DPP10: variants seen among roughly 807,000 people sequenced by gnomAD.
DPP10 encodes the protein inactive dipeptidyl peptidase 10.
In DPP10, 33 loss-of-function variants were observed where a neutral mutation model predicts 120.9. The observed-to-expected ratio is 0.27, with a 90% CI of 0.21 to 0.37. The LOEUF is 0.37. Ranked by LOEUF, DPP10 falls within the 10% of genes least tolerant of loss-of-function variation. The pLI is 1.00. For missense variants in DPP10, 816 were observed against 942.8 expected (o/e 0.87, Z 1.76); for synonymous variants, 337 against 326.1 (o/e 1.03, Z -0.36).
chr2:114,717,312 G>T (rs1248513276), intron 1 of DPP10, among the ~76,000 whole-genome samples: 1 of 152,154 alleles, frequency 6.6e-6, no homozygotes, highest in Non-Finnish European at 1.5e-5. Flanking sequence ...ATTGATCTAT[G>T]TGTCACAAAA....
intron 1 of DPP10, among the ~76,000 whole-genome samples, chr2:115,029,956 G>C (rs1474989997): frequency 6.6e-6 from 1 of 152,136 alleles, no homozygotes; most frequent in African/African-American, 2.4e-5. Context: ...GACTCAAAGG[G>C]ATCCTCTTCA....
chr2:115,698,178 T>C (rs2091700253), intron 7 of DPP10, among the ~76,000 whole-genome samples: 1 of 152,112 alleles, frequency 6.6e-6, no homozygotes, highest in South Asian at 2.1e-4. Context: ...TCTTCTCTGA[T>C]CACAATGGGA....
At chr2:115,221,754 GTTTT>G (rs56077672) in intron 1 of DPP10, among the ~76,000 whole-genome samples, 5 of 120,150 alleles carry the variant, frequency 4.2e-5, no homozygotes, top group Non-Finnish European at 6.7e-5. Context: ...GTTTGTTTCT[GTTTT>G]TTTTTTTTTT....
intron 1 of DPP10, among the ~76,000 whole-genome samples, chr2:115,020,854 A>G (rs1329480470): frequency 6.6e-6 from 1 of 152,082 alleles, no homozygotes; most frequent in African/African-American, 2.4e-5. Context: ...TTGGAAATCA[A>G]CTCCAGAAGA....
At chr2:115,105,038 C>T (rs919562965) in intron 1 of DPP10, among the ~76,000 whole-genome samples, 8 of 151,958 alleles carry the variant, frequency 5.3e-5, no homozygotes, top group East Asian at 1.9e-4. Flanking sequence ...ATAAAATCAA[C>T]GTTTGCTTGA....
chr2:114,522,166 A>AGTAGAGAC (rs1382457901), intron 1 of DPP10, among the ~76,000 whole-genome samples: 8 of 149,452 alleles, frequency 5.4e-5, no homozygotes, highest in African/African-American at 2.0e-4. Context: ...TTGTATTTTT[A>AGTAGAGAC]GTAGAGACGG....
chr2:114,990,215 A>G (rs950919376), intron 1 of DPP10, among the ~76,000 whole-genome samples: 12 of 152,174 alleles, frequency 7.9e-5, no homozygotes, highest in Non-Finnish European at 1.6e-4. Context: ...AAGCTAACAC[A>G]TGTATAAACA....
rs138876536 is a variant in DPP10, at chr2:114,552,551, T to A, written c.60+109713T>A. The stretch of plus-strand genomic sequence containing the variant: ...TATACATTCTTTTTTCTTTCTCTTT[T>A]TCTTTTTTTTTTAGACCAAGTCTTA... On this transcript the variant is annotated intron_variant, in intron 1 of 25. Transcript: ENST00000410059. 1.5e-3 allele frequency among the ~76,000 whole-genome samples: 231 copies of A among 152,282 alleles called. 2 individuals carry two copies. The highest frequency in any genetic ancestry group is 5.4e-3 in the African/African-American group (225 of 41,560).
At chr2:114,551,443 C>A (rs1687879002) in intron 1 of DPP10, among the ~76,000 whole-genome samples, 1 of 152,158 alleles carries the variant, frequency 6.6e-6, no homozygotes, top group South Asian at 2.1e-4. Flanking sequence ...CACGTGTTCT[C>A]CAAATAGTAA....
intron 5 of DPP10, among the ~76,000 whole-genome samples, chr2:115,603,560 G>GTTTTTTTTTT (rs10637786): frequency 1.6e-5 from 2 of 126,430 alleles, no homozygotes; most frequent in East Asian, 5.0e-4. Context: ...CGTTGTTGTT[G>GTTTTTTTTTT]TTTTTTTTTG....
chr2:115,208,231 C>T (rs998331725), intron 1 of DPP10, among the ~76,000 whole-genome samples: 19 of 146,782 alleles, frequency 1.3e-4, no homozygotes, highest in Admixed American at 2.1e-4. Flanking sequence ...ATGGAGTCTC[C>T]CTTTGTCGCC....
intron 1 of DPP10, among the ~76,000 whole-genome samples, chr2:114,669,450 G>A (rs566635440): frequency 6.6e-6 from 1 of 152,192 alleles, no homozygotes; most frequent in Non-Finnish European, 1.5e-5. Flanking sequence ...TACTGTGGAT[G>A]GGGAAGACTC....
Position 115,536,395 on chromosome 2 carries a change from C to A in DPP10, c.441+10423C>A, listed in dbSNP as rs370146775. Among the ~76,000 whole-genome samples the A allele has an allele frequency of 2.6e-4, 39 of 152,000 alleles. No individual in the cohort carries two copies. In the South Asian group the frequency reaches 7.9e-3, roughly 31 times the overall value. Reference sequence around the variant, plus strand: ...TGGTGATATCATAATTTATTCAACTCAATATCTTTAATATTTATAGATAGT... The same window carrying A: ...TGGTGATATCATAATTTATTCAACTAAATATCTTTAATATTTATAGATAGT... On this transcript the variant is annotated intron_variant, in intron 5 of 25. Coordinates refer to ENST00000410059, the MANE Select transcript of DPP10 (RefSeq NM_020868.6).
chr2:114,936,717 A>C (rs1338236193), intron 1 of DPP10, among the ~76,000 whole-genome samples: 1 of 152,060 alleles, frequency 6.6e-6, no homozygotes, highest in African/African-American at 2.4e-5. Context: ...TACAGTGTAG[A>C]GGTATTAACT....
At chr2:115,332,363 T>C (rs1225352000) in intron 2 of DPP10, among the ~76,000 whole-genome samples, 1 of 152,150 alleles carries the variant, frequency 6.6e-6, no homozygotes, top group African/African-American at 2.4e-5. Context: ...TGTTGATCTT[T>C]TCGAAAAACC....
In DPP10 at chr2:115,753,173, G is replaced by C; in HGVS notation, c.951-1G>C. Reference sequence around the variant, plus strand: ...ACATTTTAATTTTGTTTCCAAACTAGAGAATACTATATCACTATGGTTAAA... The same window carrying C: ...ACATTTTAATTTTGTTTCCAAACTACAGAATACTATATCACTATGGTTAAA... On this transcript the variant is annotated splice_acceptor_variant, in intron 10 of 25. Coordinates refer to ENST00000410059, the MANE Select transcript of DPP10 (RefSeq NM_020868.6). LOFTEE classifies it high-confidence loss of function. 1 of 1,607,894 alleles carries C rather than the reference G, an allele frequency of 6.2e-7. No homozygotes were observed. Among genetic ancestry groups the C allele is most frequent in the Non-Finnish European group, 8.5e-7 (1 of 1,176,362 alleles).
intron 25 of DPP10, among the ~76,000 whole-genome samples, chr2:115,841,835 T>C (rs186973334): frequency 6.6e-6 from 1 of 152,132 alleles, no homozygotes; most frequent in African/African-American, 2.4e-5. Context: ...AACTCAATGC[T>C]CTTTAAATAA....
intron 3 of DPP10, among the ~76,000 whole-genome samples, chr2:115,408,637 A>G (rs2068708443): frequency 6.6e-6 from 1 of 152,222 alleles, no homozygotes; most frequent in African/African-American, 2.4e-5. Flanking sequence ...TGATCCCAAT[A>G]CAATTCTATT....
intron 1 of DPP10, among the ~76,000 whole-genome samples, chr2:114,970,730 T>A (rs960633720): frequency 6.6e-6 from 1 of 152,208 alleles, no homozygotes; most frequent in African/African-American, 2.4e-5. Flanking sequence ...AATTAGGATT[T>A]AACAATACAG....
Sources: allele counts gnomAD v4.1 joint callset (sites outside exome capture counted in the v4.1 genomes callset), GRCh38; gene constraint gnomAD v4.1.1; transcripts MANE v1.5; gene names NCBI Gene and HGNC (gene_info 2026-07-23, HGNC 2026-07-21).